WDR90: variants seen among roughly 807,000 people sequenced by gnomAD.
The protein encoded by WDR90 is WD repeat-containing protein 90.
WDR90 carries 238 observed loss-of-function variants against 195.2 expected under a neutral mutation model. The observed-to-expected ratio is 1.22, with a 90% confidence interval of 1.10 to 1.36. WDR90 has a LOEUF of 1.36. WDR90 is among the 40% of genes most tolerant of loss of function. The probability of loss-of-function intolerance (pLI) is 0.00; values close to 1 mark genes in which losing one functional copy is unlikely to be tolerated. For synonymous variants in WDR90, 1,265 were observed against 1,052.4 expected (o/e 1.20, Z -3.91); for missense variants, 2,734 against 2,439.5 (o/e 1.12, Z -2.54).
chr16:657,880 C>T lies in WDR90; in HGVS notation c.2592C>T (p.Ala864=). The part of the protein sequence containing the change: ...SRCTVTVMGS[A]SLDELLRVDI... The stretch of plus-strand genomic sequence containing the variant: ...GCACAGTGACAGTCATGGGCTCGGC[C>T]TCCCTTGATGAGGTGAGTCCGCAGC... Residue 864 remains alanine (A), a synonymous_variant, in exon 21 of 41, where the codon GCC becomes GCT. Coordinates refer to ENST00000293879, the MANE Select transcript of WDR90 (RefSeq NM_145294.5). 1 of 1,582,834 alleles carries T rather than the reference C, an allele frequency of 6.3e-7. No homozygotes were observed. Among genetic ancestry groups the T allele is most frequent in the Non-Finnish European group, 8.6e-7 (1 of 1,164,770 alleles).
intron 33 of WDR90, 171 bp downstream of exon 33, chr16:662,502 G>A: frequency 8.5e-7 from 1 of 1,181,808 alleles, no homozygotes; most frequent in Non-Finnish European, 1.2e-6. Flanking sequence ...CTGCTGTCGA[G>A]TACGGGCATG....
In WDR90 at chr16:656,508, C is replaced by T. The variant is rs201933777; in HGVS notation, c.2173C>T (p.Arg725Cys). Residue 725 changes from arginine to cysteine, a missense_variant, in exon 18 of 41, where the codon CGC becomes TGC. By Grantham distance (180) the Arg-to-Cys change is radical. Transcript: ENST00000293879. ...LATVSQDRTVRIWDLATLQQL... is the reference protein window; with the variant it reads ...LATVSQDRTVCIWDLATLQQL... The stretch of plus-strand genomic sequence containing the variant: ...CACCGTGTCCCAGGACCGTACCGTC[C>T]GCATCTGGGACCTGGCCACCCTGCA... 543 of 1,575,674 alleles carry T rather than the reference C, an allele frequency of 3.4e-4. No homozygotes were observed. The highest frequency in any genetic ancestry group is 4.1e-4 in the Non-Finnish European group (477 of 1,163,054).
In WDR90 at chr16:662,712, C is replaced by CG. The variant is rs1567222024; in HGVS notation, c.4183dup (p.Ala1395GlyfsTer9). The CG allele has an allele frequency of 6.3e-7, 1 of 1,575,402 alleles. No individual in the cohort carries two copies. On this transcript the variant is annotated frameshift_variant, in exon 34 of 41. Coordinates refer to ENST00000293879, the MANE Select transcript of WDR90 (RefSeq NM_145294.5). LOFTEE classifies it high-confidence loss of function. The stretch of plus-strand genomic sequence containing the variant: ...TCATGGAACACGAGCTGGTGCTGGA[C>CG]GGGGCTGTGGTGAGTGCCAGCTTCG...
Position 655,004 on chromosome 16 carries a change from C to T in WDR90, c.1438-25C>T, listed in dbSNP as rs199724148. ...GGTGGCCCCGACTGGCCCTGCCGTGCGGGCTCAGCCTGGGCTTGTTGCAGA... is the reference window on the plus strand; with the variant it reads ...GGTGGCCCCGACTGGCCCTGCCGTGTGGGCTCAGCCTGGGCTTGTTGCAGA... On this transcript the variant is annotated intron_variant, in intron 13 of 40. Transcript: ENST00000293879. 1.2e-4 allele frequency: 186 copies of T among 1,605,956 alleles called. 1 individual carries two copies. The African/African-American group carries it at 1.4e-3, about 12-fold the overall frequency.
At chr16:650,385 A>G in intron 4 of WDR90, 23 bp downstream of exon 4, 2 of 1,608,000 alleles carry the variant, frequency 1.2e-6, no homozygotes, top group Non-Finnish European at 1.7e-6. Flanking sequence ...TGGGGTGTGG[A>G]TGATCCAGGA....
rs770407694 is a variant in WDR90 at position 661,456 on chromosome 16, C to T, written c.3628C>T (p.Leu1210=). 6.2e-7 allele frequency: 1 copy of T among 1,611,662 alleles called. No individual in the cohort carries two copies. Among genetic ancestry groups the T allele is most frequent in the Non-Finnish European group, 8.5e-7 (1 of 1,179,280 alleles). ...CATTTTCCCCCATAGCACCACCGTG[C>T]TGGCCCTGGCCTTCTCACCAGATGA... is the stretch of plus-strand genomic sequence containing the variant. The part of the protein sequence containing the change: ...HLIFPHSTTV[L]ALAFSPDDRL... Residue 1210 remains leucine (L), a synonymous_variant, in exon 30 of 41, where the codon CTG becomes TTG. Transcript: ENST00000293879.
chr16:659,038 G>GCCTAGGCCC (rs1232790470), intron 24 of WDR90, 27 bp downstream of exon 24: 3 of 1,613,006 alleles, frequency 1.9e-6, no homozygotes, highest in Admixed American at 1.7e-5. Context: ...AGCTGTGTCT[G>GCCTAGGCCC]CCTAGGCCCC....
chr16:652,082 G>A, intron 9 of WDR90, 43 bp downstream of exon 9: 2 of 1,540,654 alleles, frequency 1.3e-6, no homozygotes, highest in Non-Finnish European at 1.7e-6. Flanking sequence ...GTGAGGTGTG[G>A]GCTGGGGCAG....
rs779878595 is a variant in WDR90 at position 651,625 on chromosome 16, G to C, written c.737-19G>C. ...CACAGCTGGCCCCTGGGTCACTGGG[G>C]TTCTTTGCTCTGTTCTAGTCCTCCT... On this transcript the variant is annotated intron_variant, in intron 7 of 40. Coordinates refer to ENST00000293879, the MANE Select transcript of WDR90 (RefSeq NM_145294.5). 2.5e-6 allele frequency: 4 copies of C among 1,609,976 alleles called. No homozygotes were observed. The Admixed American group carries it at 6.7e-5, about 27-fold the overall frequency.
At chr16:653,139 C>T (rs192914155) in intron 10 of WDR90, among the ~76,000 whole-genome samples, 2 of 152,326 alleles carry the variant, frequency 1.3e-5, no homozygotes, top group African/African-American at 2.4e-5. Flanking sequence ...GTTCTTTTGA[C>T]ACATGCAGCC....
chr16:653,951 G>C, intron 13 of WDR90, 148 bp downstream of exon 13: 1 of 986,990 alleles, frequency 1.0e-6, no homozygotes, highest in South Asian at 1.7e-5. Context: ...CTGCACTCTG[G>C]TGTTCATGCC....
intron 20 of WDR90, 89 bp from the exon 21 acceptor site, chr16:657,671 AGT>A (rs1271735547): frequency 1.4e-6 from 2 of 1,420,396 alleles, no homozygotes; most frequent in African/African-American, 2.9e-5. Flanking sequence ...GTTTCCCGAA[AGT>A]GGGGGCAGGG....
intron 26 of WDR90, 115 bp from the exon 27 acceptor site, chr16:659,943 G>T (rs1035884070): frequency 5.1e-6 from 4 of 788,824 alleles, no homozygotes; most frequent in Non-Finnish European, 5.9e-6. Context: ...GTGCCCCGCC[G>T]TGCAGTTCTC....
At position 660,039 on chromosome 16, in the gene WDR90, T is replaced by A. The variant is rs745353593; in HGVS notation, c.3185-19T>A. 2.6e-5 allele frequency: 40 copies of A among 1,529,946 alleles called. No individual in the cohort carries two copies. In the South Asian group the frequency reaches 4.7e-4, roughly 18 times the overall value. The allele number at this position is 1,529,946 out of a possible 1,614,324, so 94.8% of individuals were successfully genotyped here. On this transcript the variant is annotated intron_variant, in intron 26 of 40. Transcript: ENST00000293879. ...CTCAGGGCAGTGTAATGCCACAAGCTCTGCCTCCTCCCTGCCAGGCGCCAG... is the reference window on the plus strand; with the variant it reads ...CTCAGGGCAGTGTAATGCCACAAGCACTGCCTCCTCCCTGCCAGGCGCCAG...
rs1400376026 is a variant in WDR90, at chr16:650,021, A to G, written c.133A>G (p.Ile45Val). ...GACCCTGAAGGGCGCCGTGTATCGCATTCGGGGCTCAGTCTCTGCCGCCAA... is the reference window on the plus strand; with the variant it reads ...GACCCTGAAGGGCGCCGTGTATCGCGTTCGGGGCTCAGTCTCTGCCGCCAA... ...DKTLKGAVYRIRGSVSAANYI... is the reference protein window; with the variant it reads ...DKTLKGAVYRVRGSVSAANYI... Residue 45 changes from isoleucine to valine, a missense_variant, in exon 3 of 41, where the codon ATT (isoleucine) becomes GTT (valine). Physicochemically the swap from Ile to Val is conservative, Grantham distance 29. Coordinates refer to ENST00000293879, the MANE Select transcript of WDR90 (RefSeq NM_145294.5). 6.2e-7 allele frequency: 1 copy of G among 1,612,818 alleles called. No homozygotes were observed. The highest frequency in any genetic ancestry group is 2.2e-5 in the East Asian group (1 of 44,876).
At position 659,478 on chromosome 16, in the gene WDR90, G is replaced by T. The variant is rs532706613; in HGVS notation, c.3184+102G>T. 201 of 1,464,842 alleles carry T rather than the reference G, an allele frequency of 1.4e-4. 1 individual carries two copies. In the African/African-American group the frequency reaches 2.4e-3, roughly 17 times the overall value. 90.7% of individuals were successfully genotyped at this position (1,464,842 alleles called of 1,614,324 possible). A position where few individuals can be genotyped will look rare whatever the true frequency, so the allele number is the denominator to read the frequency against. ...CACGCACGTCCAGCTCTGGGGTGCAGGTGCCATCGCTGCTCATCAGGTGGA... is the reference window on the plus strand; with the variant it reads ...CACGCACGTCCAGCTCTGGGGTGCATGTGCCATCGCTGCTCATCAGGTGGA... On this transcript the variant is annotated intron_variant, in intron 26 of 40. Transcript: ENST00000293879.
At chr16:665,150 T>C in intron 34 of WDR90, 1 of 219,042 alleles carries the variant, frequency 4.6e-6, no homozygotes, top group Non-Finnish European at 9.4e-6. Flanking sequence ...CGTCTGCATT[T>C]CCCCCCAATC....
intron 13 of WDR90, chr16:654,256 A>G (rs2037701351): frequency 5.9e-6 from 1 of 170,400 alleles, no homozygotes; most frequent in African/African-American, 2.4e-5. Context: ...CAGTGGTGCA[A>G]TCATAGCTCA....
Position 656,467 on chromosome 16 carries a change from G to T in WDR90, c.2132G>T (p.Arg711Met). 6.3e-7 allele frequency: 1 copy of T among 1,589,146 alleles called. No homozygotes were observed. The change falls in exon 18 of 41, where the codon AGG becomes ATG. Residue 711 changes from arginine (R) to methionine (M), a missense_variant. Physicochemically the swap from Arg to Met is moderately conservative, Grantham distance 91 (BLOSUM62 -1). Coordinates refer to ENST00000293879, the MANE Select transcript of WDR90 (RefSeq NM_145294.5). ...GTGTTGGCCCTCGCCATGGAGCAGA[G>T]GCGGGGACAGCTGGCCACCGTGTCC... Reference protein sequence around the residue: ...APVLALAMEQRRGQLATVSQD... With the variant: ...APVLALAMEQMRGQLATVSQD...
Sources: gnomAD v4.1 joint callset for allele counts (sites outside exome capture counted in the v4.1 genomes callset) on GRCh38, gnomAD v4.1.1 for gene constraint, MANE v1.5 for transcripts, NCBI Gene and HGNC (gene_info 2026-07-23, HGNC 2026-07-21) for gene names.